HLA-F: variants seen among roughly 807,000 people sequenced by gnomAD.
HLA-F encodes the protein HLA class I histocompatibility antigen, alpha chain F.
A neutral mutation model predicts 49.5 loss-of-function variants in HLA-F; 46 were observed. The ratio of observed to expected loss-of-function variants is 0.93; its 90% CI spans 0.73 to 1.19. HLA-F has a LOEUF of 1.19. HLA-F is among the 50% of genes most tolerant of loss of function. The pLI, the probability that HLA-F is intolerant of heterozygous loss-of-function variation, is 0.00. For synonymous variants in HLA-F, 203 were observed against 233.5 expected (o/e 0.87, Z 1.19); for missense variants, 496 against 579.6 (o/e 0.86, Z 1.48).
chr6:29,723,541 C>T lies in HLA-F; in HGVS notation c.64+14C>T, dbSNP rs1198758195. The T allele has an allele frequency of 1.2e-6, 2 of 1,609,030 alleles. No homozygotes were observed. The highest frequency in any genetic ancestry group is 2.2e-5 in the East Asian group (1 of 44,842). On this transcript the variant is annotated intron_variant, in intron 1 of 6. Transcript: ENST00000259951. Reference sequence around the variant, plus strand: ...ATACTTGGGCGGGTGAGTGCGGGGTCCAGAGAGAAACGGCCTCTGTGGGGA... The same window carrying T: ...ATACTTGGGCGGGTGAGTGCGGGGTTCAGAGAGAAACGGCCTCTGTGGGGA...
intron 3 of HLA-F, among the ~76,000 whole-genome samples, chr6:29,737,235 A>C (rs1400897574): frequency 6.6e-6 from 1 of 150,622 alleles, no homozygotes; most frequent in African/African-American, 2.4e-5. Flanking sequence ...AAAAAAAAAA[A>C]AAAAAACCCT....
intron 4 of HLA-F, chr6:29,738,267 A>C (rs1777288651): frequency 6.6e-6 from 1 of 152,376 alleles, no homozygotes; most frequent in South Asian, 2.1e-4. Flanking sequence ...CAGGAGGTGG[A>C]TGCCGGGGCT....
rs1269978336 is a variant in HLA-F at position 29,723,778 on chromosome 6, C to G, written c.185C>G (p.Ala62Gly). 1 of 1,609,988 alleles carries G rather than the reference C, an allele frequency of 6.2e-7. No homozygotes were observed. Among genetic ancestry groups the G allele is most frequent in the African/African-American group, 1.3e-5 (1 of 74,876 alleles). Residue 62 changes from alanine to glycine, a missense_variant, in exon 2 of 7, where the codon GCG (alanine) becomes GGG (glycine). Physicochemically the swap from Ala to Gly is moderately conservative, Grantham distance 60 (BLOSUM62 0). Transcript: ENST00000259951. Reference sequence around the variant, plus strand: ...TTCCTGCGGTTCGACAGCGACGCCGCGATTCCGAGGATGGAGCCGCGGGAG... The same window carrying G: ...TTCCTGCGGTTCGACAGCGACGCCGGGATTCCGAGGATGGAGCCGCGGGAG... Reference protein sequence around the residue: ...TQFLRFDSDAAIPRMEPREPW... With the variant: ...TQFLRFDSDAGIPRMEPREPW...
chr6:29,737,413 A>G (rs1355571271), intron 3 of HLA-F, among the ~76,000 whole-genome samples: 1 of 152,188 alleles, frequency 6.6e-6, no homozygotes, highest in Non-Finnish European at 1.5e-5. Flanking sequence ...GGATAAAAAT[A>G]TACTCTTAAA....
At chr6:29,727,566 A>C (rs779982371), downstream of HLA-F, among the ~76,000 whole-genome samples, 1 of 152,144 alleles carries the variant, frequency 6.6e-6, no homozygotes, top group African/African-American at 2.4e-5. Flanking sequence ...TCTAACTGCT[A>C]TGCCTCCTAA....
At position 29,724,374 on chromosome 6, in the gene HLA-F, C is replaced by T. The variant is rs781562568; in HGVS notation, c.536C>T (p.Thr179Ile). The T allele has an allele frequency of 6.2e-7, 1 of 1,613,224 alleles. No individual in the cohort carries two copies. Among genetic ancestry groups the T allele is most frequent in the Non-Finnish European group, 8.5e-7 (1 of 1,180,040 alleles). Residue 179 changes from threonine (T) to isoleucine (I), a missense_variant, in exon 3 of 7, where the codon ACC (threonine) becomes ATC (isoleucine). Transcript: ENST00000259951. ...GAGGAATATGCAGAGGAGTTCAGGACCTACCTGGAGGGCGAGTGCCTGGAG... is the reference window on the plus strand; with the variant it reads ...GAGGAATATGCAGAGGAGTTCAGGATCTACCTGGAGGGCGAGTGCCTGGAG... ...EAEEYAEEFR[T>I]YLEGECLELL...
intron 3 of HLA-F, among the ~76,000 whole-genome samples, chr6:29,734,105 G>A (rs1196047982): frequency 1.3e-5 from 2 of 152,188 alleles, no homozygotes; most frequent in African/African-American, 2.4e-5. Context: ...AACCCTGGAA[G>A]GTTCACACTT....
At position 29,726,960 on chromosome 6, in the gene HLA-F, T is replaced by C; in HGVS notation, c.1114T>C (p.Tyr372His). 1 of 1,612,656 alleles carries C rather than the reference T, an allele frequency of 6.2e-7. No homozygotes were observed. The highest frequency in any genetic ancestry group is 2.2e-5 in the East Asian group (1 of 44,886). Residue 372 changes from tyrosine to histidine, a missense_variant, in exon 7 of 7, where the codon TAT becomes CAT. Transcript: ENST00000259951. Reference sequence around the variant, plus strand: ...TCTCCTGGGGGTGCTCTTCCAAGGATATTTGGGCTGCCTCCGGAGTCACAG... The same window carrying C: ...TCTCCTGGGGGTGCTCTTCCAAGGACATTTGGGCTGCCTCCGGAGTCACAG... ...LFLLGVLFQG[Y>H]LGCLRSHSVL...
rs750110282 is a variant in HLA-F, at chr6:29,724,157, T to A, written c.335-16T>A. The A allele has an allele frequency of 8.1e-6, 13 of 1,612,586 alleles. No homozygotes were observed. Among genetic ancestry groups the A allele is most frequent in the Admixed American group, 1.7e-5 (1 of 60,014 alleles). Reference sequence around the variant, plus strand: ...GCGGGGCTAGCTGGGCGGGGCTGACTGCGGGGACCGGCTAGGGTCTCACAC... The same window carrying A: ...GCGGGGCTAGCTGGGCGGGGCTGACAGCGGGGACCGGCTAGGGTCTCACAC... On this transcript the variant is annotated splice_polypyrimidine_tract_variant and intron_variant, in intron 2 of 6. Transcript: ENST00000259951.
Position 29,723,816 on chromosome 6 carries a change from C to T in HLA-F, c.223C>T (p.Gln75Ter), listed in dbSNP as rs747319246. The change falls in exon 2 of 7, where the codon CAA (glutamine) becomes TAA (stop). Residue 75 changes from glutamine (Q) to a stop codon, truncating the protein, a stop_gained. Coordinates refer to ENST00000259951, the MANE Select transcript of HLA-F (RefSeq NM_001098479.2). LOFTEE classifies it high-confidence loss of function. Reference protein sequence around the residue: ...RMEPREPWVEQEGPQYWEWTT... With the variant: ...RMEPREPWVE Reference sequence around the variant, plus strand: ...GGAGCCGCGGGAGCCGTGGGTGGAGCAAGAGGGGCCGCAGTATTGGGAGTG... The same window carrying T: ...GGAGCCGCGGGAGCCGTGGGTGGAGTAAGAGGGGCCGCAGTATTGGGAGTG... 1.2e-6 allele frequency: 2 copies of T among 1,603,710 alleles called. No homozygotes were observed. The highest frequency in any genetic ancestry group is 1.3e-5 in the African/African-American group (1 of 74,640).
chr6:29,729,929 T>A (rs1415973819), downstream of HLA-F, among the ~76,000 whole-genome samples: 1 of 152,202 alleles, frequency 6.6e-6, no homozygotes, highest in Non-Finnish European at 1.5e-5. Context: ...TTGGCGAAGA[T>A]GTGGAGAAGT....
chr6:29,724,220 G>A lies in HLA-F; in HGVS notation c.382G>A (p.Gly128Arg), dbSNP rs754132837. The A allele has an allele frequency of 1.4e-5, 23 of 1,613,164 alleles. 1 individual carries two copies. In the South Asian group the frequency reaches 2.2e-4, roughly 15 times the overall value. Residue 128 changes from glycine (G) to arginine (R), a missense_variant, in exon 3 of 7, where the codon GGA becomes AGA. Gly to Arg is a moderately radical substitution (Grantham distance 125, BLOSUM62 -2). Coordinates refer to ENST00000259951, the MANE Select transcript of HLA-F (RefSeq NM_001098479.2). ...GMNGCDMGPD[G>R]RLLRGYHQHA... ...GAATGGCTGCGACATGGGGCCCGAC[G>A]GACGCCTCCTCCGCGGGTATCACCA...
rs1466107647 is a variant in HLA-F, at chr6:29,726,005, C to T, written c.1004-6C>T. The T allele has an allele frequency of 3.1e-6, 5 of 1,613,878 alleles. No individual in the cohort carries two copies. The highest frequency in any genetic ancestry group is 4.2e-6 in the Non-Finnish European group (5 of 1,179,906). ...TGGCCTCTCACAGGACATTTTCTTC[C>T]CATAGATAGAAACAGAGGGAGCTAC... On this transcript the variant is annotated splice_polypyrimidine_tract_variant and splice_region_variant and intron_variant, in intron 5 of 6. Coordinates refer to ENST00000259951, the MANE Select transcript of HLA-F (RefSeq NM_001098479.2).
Position 29,724,217 on chromosome 6 carries a change from G to C in HLA-F, c.379G>C (p.Asp127His). The change falls in exon 3 of 7, where the codon GAC becomes CAC. Residue 127 changes from aspartate to histidine, a missense_variant. Physicochemically the swap from Asp to His is moderately conservative, Grantham distance 81 (BLOSUM62 -1). Transcript: ENST00000259951. ...QGMNGCDMGP[D>H]GRLLRGYHQH... ...AATGAATGGCTGCGACATGGGGCCC[G>C]ACGGACGCCTCCTCCGCGGGTATCA... 1 of 1,613,190 alleles carries C rather than the reference G, an allele frequency of 6.2e-7. No homozygotes were observed. The highest frequency in any genetic ancestry group is 8.5e-7 in the Non-Finnish European group (1 of 1,180,034).
chr6:29,730,196 C>T (rs1776450102), downstream of HLA-F, among the ~76,000 whole-genome samples: 1 of 152,162 alleles, frequency 6.6e-6, no homozygotes, highest in Admixed American at 6.5e-5. Context: ...ATAAACGACC[C>T]ATGGTGCACA....
intron 3 of HLA-F, among the ~76,000 whole-genome samples, chr6:29,734,130 T>A (rs1281447271): frequency 1.3e-5 from 2 of 152,128 alleles, no homozygotes; most frequent in Admixed American, 1.3e-4. Context: ...AGGGTGCACA[T>A]CCAGTGAAAT....
downstream of HLA-F, among the ~76,000 whole-genome samples, chr6:29,730,783 T>A (rs1776505056): frequency 6.6e-6 from 1 of 152,064 alleles, no homozygotes; most frequent in Admixed American, 6.5e-5. Flanking sequence ...GCCCTTTTCT[T>A]TCCTAGGCAC....
chr6:29,728,107 C>T (rs774065487), downstream of HLA-F: 3 of 518,416 alleles, frequency 5.8e-6, no homozygotes, highest in Middle Eastern at 3.2e-4. Flanking sequence ...TGGGGAATGA[C>T]CAGGGATGCT....
Position 29,724,255 on chromosome 6 carries a change from C to A in HLA-F, c.417C>A (p.Tyr139Ter), listed in dbSNP as rs3087327. Residue 139 changes from tyrosine (Y) to a stop codon, truncating the protein, a stop_gained, in exon 3 of 7, where the codon TAC (tyrosine) becomes TAA (stop). Coordinates refer to ENST00000259951, the MANE Select transcript of HLA-F (RefSeq NM_001098479.2). LOFTEE classifies it high-confidence loss of function. ...RLLRGYHQHA[Y>*]DGKDYISLNE... ...TCCGCGGGTATCACCAGCACGCGTACGACGGCAAGGATTACATCTCCCTGA... is the reference window on the plus strand; with the variant it reads ...TCCGCGGGTATCACCAGCACGCGTAAGACGGCAAGGATTACATCTCCCTGA... 1.6e-4 allele frequency: 262 copies of A among 1,613,280 alleles called. 2 individuals are homozygous for A. The East Asian group carries it at 5.3e-3, about 32-fold the overall frequency.
Sources: gnomAD v4.1 joint callset for allele counts (sites outside exome capture counted in the v4.1 genomes callset) on GRCh38, gnomAD v4.1.1 for gene constraint, MANE v1.5 for transcripts, NCBI Gene and HGNC (gene_info 2026-07-23, HGNC 2026-07-21) for gene names.